Variants in PTDSS1 observed in about 807,000 individuals in gnomAD.
The protein encoded by PTDSS1 is phosphatidylserine synthase 1, also known as PSS-1.
A neutral mutation model predicts 70.5 loss-of-function variants in PTDSS1; 45 were observed. The observed-to-expected ratio is 0.64, with a 90% CI of 0.50 to 0.82. The LOEUF (loss-of-function observed/expected upper bound fraction) is 0.82, where lower values mean the gene tolerates loss of function less well. PTDSS1 is among the 40% of genes least tolerant of loss of function. PTDSS1 has a pLI of 0.00. For missense variants in PTDSS1, 417 were observed against 586.1 expected (o/e 0.71, Z 2.98); for synonymous variants, 188 against 203.8 (o/e 0.92, Z 0.66).
At chr8:96,306,345 C>A in intron 7 of PTDSS1, 99 bp from the exon 8 acceptor site, 1 of 893,714 alleles carries the variant, frequency 1.1e-6, no homozygotes, top group Non-Finnish European at 1.8e-6. Context: ...ATGCTTTGAA[C>A]ATACCAATTA....
intron 12 of PTDSS1, among the ~76,000 whole-genome samples, chr8:96,333,063 G>A (rs1811540189): frequency 6.6e-6 from 1 of 152,202 alleles, no homozygotes; most frequent in South Asian, 2.1e-4. Context: ...TGGAGCAGGT[G>A]AAGGGATGGA....
intron 2 of PTDSS1, among the ~76,000 whole-genome samples, chr8:96,278,201 T>C (rs1810676808): frequency 6.6e-6 from 1 of 152,216 alleles, no homozygotes; most frequent in Non-Finnish European, 1.5e-5. Context: ...CTTACATGTC[T>C]TTGACTAGGA....
rs199766909 is a variant in PTDSS1, at chr8:96,307,051, G to C, written c.1007+495G>C. 1.4e-4 allele frequency among the ~76,000 whole-genome samples: 21 copies of C among 152,184 alleles called. No individual in the cohort carries two copies. The East Asian group carries it at 4.1e-3, about 29-fold the overall frequency. On this transcript the variant is annotated intron_variant, in intron 8 of 12. Coordinates refer to ENST00000517309, the MANE Select transcript of PTDSS1 (RefSeq NM_014754.3). ...CTCCAGGACAACTGAGATAAGCTTG[G>C]GTGTTCCCGCCATTATTCCCCTGGA...
chr8:96,287,050 G>C lies in PTDSS1; in HGVS notation c.345G>C (p.Leu115=). 1 of 1,613,960 alleles carries C rather than the reference G, an allele frequency of 6.2e-7. No individual in the cohort carries two copies. The highest frequency in any genetic ancestry group is 1.7e-5 in the Admixed American group (1 of 60,014). Residue 115 remains leucine (L), a synonymous_variant, in exon 4 of 13, where the codon CTG becomes CTC. Coordinates refer to ENST00000517309, the MANE Select transcript of PTDSS1 (RefSeq NM_014754.3). ...TCAGTGTGCTCTACTTCCTGTTCCTGGTATTCCTACTCTTCCTGAATTTCG... is the reference window on the plus strand; with the variant it reads ...TCAGTGTGCTCTACTTCCTGTTCCTCGTATTCCTACTCTTCCTGAATTTCG... The part of the protein sequence containing the change: ...FGLSVLYFLF[L]VFLLFLNFEQ...
At chr8:96,292,989 T>C (rs182969651) in intron 4 of PTDSS1, among the ~76,000 whole-genome samples, 27 of 152,324 alleles carry the variant, frequency 1.8e-4, no homozygotes, top group African/African-American at 6.0e-4. Context: ...GAAGAGATAG[T>C]TGGGCTGGAG....
chr8:96,262,565 C>T lies in PTDSS1; in HGVS notation c.179+346C>T, dbSNP rs1173633934. ...GGCCCCTCCTCTGCACTGCTCCAGC[C>T]TTCGTCCCTACCCAGCACACCGCAT... On this transcript the variant is annotated intron_variant, in intron 1 of 12. Coordinates refer to ENST00000517309, the MANE Select transcript of PTDSS1 (RefSeq NM_014754.3). This position sits in a 1 kb window ranked among gnomAD's most constrained non-coding sequence, Gnocchi z 4.4. Among the ~76,000 whole-genome samples the T allele has an allele frequency of 1.3e-5, 2 of 152,186 alleles. 1 individual carries two copies. The highest frequency in any genetic ancestry group is 2.9e-5 in the Non-Finnish European group (2 of 68,036).
At chr8:96,315,000 A>G (rs1811265641) in intron 9 of PTDSS1, among the ~76,000 whole-genome samples, 1 of 152,112 alleles carries the variant, frequency 6.6e-6, no homozygotes, top group African/African-American at 2.4e-5. Context: ...TGAGTTTGCC[A>G]TCCAAGACCC....
intron 1 of PTDSS1, among the ~76,000 whole-genome samples, chr8:96,271,916 G>A (rs1016266934): frequency 6.6e-6 from 1 of 151,890 alleles, no homozygotes; most frequent in Non-Finnish European, 1.5e-5. Flanking sequence ...CCATGAGTGA[G>A]GTTGACCATC....
chr8:96,335,378 G>A lies in PTDSS1; in HGVS notation c.*1812G>A, dbSNP rs1811580533. The A allele has an allele frequency of 6.6e-6, 1 of 152,216 alleles. No homozygotes were observed. Among genetic ancestry groups the A allele is most frequent in the Admixed American group, 6.5e-5 (1 of 15,288 alleles). 9.4% of individuals were successfully genotyped at this position (152,216 alleles called of 1,614,324 possible). ...CTTGTGCCCATTGGAGAAGACACCT[G>A]TCTCTTCTTTCTCACACCGGTGGTG... On this transcript the variant is annotated 3_prime_UTR_variant, in exon 13 of 13. Coordinates refer to ENST00000517309, the MANE Select transcript of PTDSS1 (RefSeq NM_014754.3).
chr8:96,305,927 C>T (rs550403681), intron 7 of PTDSS1, among the ~76,000 whole-genome samples: 1 of 152,164 alleles, frequency 6.6e-6, no homozygotes, highest in Admixed American at 6.6e-5. Flanking sequence ...GCGATCTGCC[C>T]GCCTCGGGCT....
chr8:96,320,145 A>G (rs1811354119), intron 9 of PTDSS1, 101 bp from the exon 10 acceptor site: 1 of 1,020,450 alleles, frequency 9.8e-7, no homozygotes, highest in Non-Finnish European at 1.5e-6. Flanking sequence ...CAGAAATCGC[A>G]TGATGAGTTG....
At chr8:96,315,111 C>G (rs1429499902) in intron 9 of PTDSS1, among the ~76,000 whole-genome samples, 1 of 152,190 alleles carries the variant, frequency 6.6e-6, no homozygotes, top group Non-Finnish European at 1.5e-5. Context: ...ACACTTAGCT[C>G]TTGCTTCCTC....
At chr8:96,289,621 A>G (rs1056271759) in intron 4 of PTDSS1, among the ~76,000 whole-genome samples, 1 of 152,128 alleles carries the variant, frequency 6.6e-6, no homozygotes, top group Non-Finnish European at 1.5e-5. Context: ...TAATCCCAAC[A>G]TTTGGTACAG....
At chr8:96,283,650 C>T in intron 2 of PTDSS1, 1 of 158,138 alleles carries the variant, frequency 6.3e-6, no homozygotes, top group Non-Finnish European at 1.4e-5. Context: ...CATGTGCACA[C>T]ACGTACACAC....
At chr8:96,324,977 T>C (rs891048133) in intron 10 of PTDSS1, among the ~76,000 whole-genome samples, 1 of 152,216 alleles carries the variant, frequency 6.6e-6, no homozygotes, top group African/African-American at 2.4e-5. Flanking sequence ...TAGTCCGGGC[T>C]TCATTCACAG....
intron 12 of PTDSS1, among the ~76,000 whole-genome samples, chr8:96,331,400 G>A (rs967940382): frequency 1.3e-5 from 2 of 151,614 alleles, no homozygotes; most frequent in Non-Finnish European, 2.9e-5. Context: ...GTGGTGGCGG[G>A]CGCCTGTAGT....
chr8:96,332,458 C>T (rs1811530392), intron 12 of PTDSS1, among the ~76,000 whole-genome samples: 1 of 152,202 alleles, frequency 6.6e-6, no homozygotes, highest in South Asian at 2.1e-4. Flanking sequence ...AGGGGAGACA[C>T]TAACATACAC....
rs555534820 is a variant in PTDSS1, at chr8:96,301,254, C to T, written c.752+1409C>T. Among the ~76,000 whole-genome samples, 219 of 152,170 alleles carry T rather than the reference C, an allele frequency of 1.4e-3. 2 individuals carry two copies. The highest frequency in any genetic ancestry group is 1.5e-3 in the Non-Finnish European group (104 of 68,014). On this transcript the variant is annotated intron_variant, in intron 6 of 12. Coordinates refer to ENST00000517309, the MANE Select transcript of PTDSS1 (RefSeq NM_014754.3). ...CTGGGACTTCAGGCGCGTGCCACCA[C>T]GCCTGGCTAGTTTTTGTTTTTAGTA...
chr8:96,330,140 G>C, intron 10 of PTDSS1, 73 bp from the exon 11 acceptor site: 1 of 1,398,358 alleles, frequency 7.2e-7, no homozygotes, highest in Non-Finnish European at 1.0e-6. Flanking sequence ...GTCCTGCATT[G>C]ATTCCCACTG....
Sources: gnomAD v4.1 joint callset for allele counts (sites outside exome capture counted in the v4.1 genomes callset) on GRCh38, gnomAD v4.1.1 for gene constraint, Gnocchi (gnomAD v3.1) non-coding constraint, MANE v1.5 for transcripts, NCBI Gene and HGNC (gene_info 2026-07-23, HGNC 2026-07-21) for gene names.